The following HDAC4 variants were observed in gnomAD, a reference collection of about 807,000 sequenced individuals.
HDAC4 encodes histone deacetylase 4.
A neutral mutation model predicts 135.1 loss-of-function variants in HDAC4; 16 were observed. The observed-to-expected ratio is 0.12, with a 90% CI of 0.08 to 0.18. HDAC4 has a LOEUF of 0.18. Ranked by LOEUF, HDAC4 falls within the 10% of genes least tolerant of loss-of-function variation. HDAC4 has a pLI of 1.00. For missense variants in HDAC4, 1,143 were observed against 1,511.8 expected (o/e 0.76, Z 4.05); for synonymous variants, 685 against 653.4 (o/e 1.05, Z -0.74).
At chr2:239,357,239 T>C (rs562603005) in intron 1 of HDAC4, among the ~76,000 whole-genome samples, 1 of 152,134 alleles carries the variant, frequency 6.6e-6, no homozygotes, top group South Asian at 2.1e-4. Context: ...TATTTGAAAA[T>C]CCTAAGTATT....
intron 17 of HDAC4, among the ~76,000 whole-genome samples, chr2:239,092,265 A>G (rs978391607): frequency 6.8e-6 from 1 of 146,406 alleles, no homozygotes; most frequent in African/African-American, 2.6e-5. Context: ...AAAAAAAAAA[A>G]TCCAAGGTGA....
At chr2:239,233,769 C>T (rs2047732051) in intron 3 of HDAC4, among the ~76,000 whole-genome samples, 1 of 152,202 alleles carries the variant, frequency 6.6e-6, no homozygotes, top group African/African-American at 2.4e-5. Context: ...GCCCGGGCGC[C>T]CTTCCTGCTC....
chr2:239,206,826 T>C (rs1284004671), intron 3 of HDAC4, among the ~76,000 whole-genome samples: 1 of 152,222 alleles, frequency 6.6e-6, no homozygotes, highest in Non-Finnish European at 1.5e-5. Context: ...CAGGGATATA[T>C]CAACATTGGG....
At chr2:239,376,879 A>G (rs1484681043) in intron 1 of HDAC4, among the ~76,000 whole-genome samples, 3 of 152,166 alleles carry the variant, frequency 2.0e-5, no homozygotes, top group Non-Finnish European at 2.9e-5. Flanking sequence ...GATGACAACT[A>G]CAGCACAAAC....
At chr2:239,398,205 A>G (rs1167713601) in intron 1 of HDAC4, among the ~76,000 whole-genome samples, 5 of 152,194 alleles carry the variant, frequency 3.3e-5, no homozygotes, top group Admixed American at 3.3e-4. Flanking sequence ...GTATTAATAT[A>G]TTACTCATGG....
At chr2:239,294,981 G>C (rs1013416464) in intron 2 of HDAC4, among the ~76,000 whole-genome samples, 2 of 152,202 alleles carry the variant, frequency 1.3e-5, no homozygotes, top group Non-Finnish European at 1.5e-5. Context: ...TAGTGCTAGG[G>C]AACAGCTGCT....
chr2:239,306,833 G>A lies in HDAC4; in HGVS notation c.22+45845C>T, dbSNP rs2052614386. ...CTGGTTTCCCACACACCCCCGAGGAGCCAGACAGGATCGAGAGAACCTTCT... is the reference window on the plus strand; with the variant it reads ...CTGGTTTCCCACACACCCCCGAGGAACCAGACAGGATCGAGAGAACCTTCT... On this transcript the variant is annotated intron_variant, in intron 2 of 26. Transcript: ENST00000543185. This position sits in a 1 kb window ranked among gnomAD's most constrained non-coding sequence, Gnocchi z 4.5. Among the ~76,000 whole-genome samples the A allele has an allele frequency of 2.0e-5, 3 of 152,082 alleles. No homozygotes were observed. The highest frequency in any genetic ancestry group is 6.5e-5 in the Admixed American group (1 of 15,280).
At chr2:239,107,833 A>G (rs1476394906) in intron 15 of HDAC4, among the ~76,000 whole-genome samples, 4 of 152,238 alleles carry the variant, frequency 2.6e-5, no homozygotes, top group African/African-American at 9.6e-5. Flanking sequence ...AGCTTCCTGC[A>G]GGGAGGGTAC....
At chr2:239,365,148 A>G (rs537266195) in intron 1 of HDAC4, among the ~76,000 whole-genome samples, 4 of 152,278 alleles carry the variant, frequency 2.6e-5, no homozygotes, top group African/African-American at 9.6e-5. Flanking sequence ...CTGTCTATAC[A>G]GTGAGTTTAA....
intron 3 of HDAC4, 89 bp from the exon 4 acceptor site, chr2:239,190,166 T>C (rs2044828232): frequency 1.4e-4 from 150 of 1,089,996 alleles, no homozygotes; most frequent in Middle Eastern, 3.1e-4. Context: ...CTGGCCACCT[T>C]CACGGGGCGG....
At chr2:239,318,288 C>A (rs1242334725) in intron 2 of HDAC4, among the ~76,000 whole-genome samples, 1 of 152,224 alleles carries the variant, frequency 6.6e-6, no homozygotes, top group Non-Finnish European at 1.5e-5. Flanking sequence ...GGCCGCCAAG[C>A]CCAGCGGCAT....
intron 24 of HDAC4, among the ~76,000 whole-genome samples, chr2:239,059,303 G>C (rs2032323465): frequency 6.6e-6 from 1 of 152,186 alleles, no homozygotes; most frequent in South Asian, 2.1e-4. Flanking sequence ...AAGCAAGAAG[G>C]AAAGAAGATA....
intron 3 of HDAC4, among the ~76,000 whole-genome samples, chr2:239,208,453 A>G (rs748689930): frequency 2.6e-5 from 4 of 152,202 alleles, no homozygotes; most frequent in Non-Finnish European, 4.4e-5. Flanking sequence ...GTTAAAATCC[A>G]GCTATTCATT....
intron 1 of HDAC4, among the ~76,000 whole-genome samples, chr2:239,382,449 A>G (rs910806774): frequency 6.6e-6 from 1 of 152,242 alleles, no homozygotes; most frequent in Non-Finnish European, 1.5e-5. Context: ...AAATGCTTTA[A>G]TAAAACTCTC....
At chr2:239,372,469 G>A (rs1196993638) in intron 1 of HDAC4, among the ~76,000 whole-genome samples, 2 of 152,222 alleles carry the variant, frequency 1.3e-5, no homozygotes, top group Non-Finnish European at 2.9e-5. Context: ...GTCCTTCCTT[G>A]GGCTGGGCTC....
At chr2:239,384,149 G>T (rs1440089814) in intron 1 of HDAC4, among the ~76,000 whole-genome samples, 1 of 152,206 alleles carries the variant, frequency 6.6e-6, no homozygotes, top group Non-Finnish European at 1.5e-5. Context: ...ACATCGATGG[G>T]AAAGACACCC....
intron 22 of HDAC4, among the ~76,000 whole-genome samples, chr2:239,073,115 C>T (rs754418456): frequency 9.9e-5 from 15 of 152,218 alleles, no homozygotes; most frequent in Admixed American, 1.3e-4. Flanking sequence ...TCCAAACATG[C>T]GTCAAATCCA....
At chr2:239,138,424 G>A (rs553147707) in intron 9 of HDAC4, among the ~76,000 whole-genome samples, 62 of 152,320 alleles carry the variant, frequency 4.1e-4, no homozygotes, top group Admixed American at 6.5e-4. Flanking sequence ...TCCTTTGGAA[G>A]GGCAGGATTC....
At chr2:239,201,536 G>A (rs1338575676) in intron 3 of HDAC4, among the ~76,000 whole-genome samples, 1 of 152,172 alleles carries the variant, frequency 6.6e-6, no homozygotes, top group African/African-American at 2.4e-5. Flanking sequence ...ACAGCCCACA[G>A]CTCTCCGTGA....
Sources: allele counts gnomAD v4.1 joint callset (sites outside exome capture counted in the v4.1 genomes callset), GRCh38; gene constraint gnomAD v4.1.1; non-coding constraint Gnocchi (gnomAD v3.1); transcripts MANE v1.5; gene names NCBI Gene and HGNC (gene_info 2026-07-23, HGNC 2026-07-21).